The following TRAP1 variants were observed in gnomAD, a reference collection of about 807,000 sequenced individuals.
TRAP1 encodes the protein heat shock protein 75 kDa, mitochondrial.
A neutral mutation model predicts 89.1 loss-of-function variants in TRAP1; 102 were observed. The ratio of observed to expected loss-of-function variants is 1.15; its 90% CI spans 0.98 to 1.35. The LOEUF is 1.35. Among genes scored for constraint, TRAP1 ranks in the 40% most tolerant of loss-of-function variants. TRAP1 has a pLI of 0.00. For missense variants in TRAP1, 1,256 were observed against 945.3 expected (o/e 1.33, Z -4.31); for synonymous variants, 508 against 388.0 (o/e 1.31, Z -3.64).
chr16:3,662,245 A>C, intron 15 of TRAP1, 113 bp from the exon 16 acceptor site: 6 of 1,324,850 alleles, frequency 4.5e-6, no homozygotes, highest in Non-Finnish European at 6.2e-6. Flanking sequence ...GCGGGGTCTC[A>C]AGGACTCCCC....
intron 9 of TRAP1, 102 bp downstream of exon 9, chr16:3,674,237 T>A (rs2050955423): frequency 6.8e-7 from 1 of 1,471,914 alleles, no homozygotes; most frequent in East Asian, 2.3e-5. Context: ...ATGTTTTTCA[T>A]GCCCTCACAC....
chr16:3,682,422 C>G (rs1330747149), intron 4 of TRAP1, among the ~76,000 whole-genome samples: 1 of 151,544 alleles, frequency 6.6e-6, no homozygotes, highest in Non-Finnish European at 1.5e-5. Context: ...CGCTCTGTCA[C>G]GCAGGCTAGA....
intron 6 of TRAP1, 83 bp downstream of exon 6, chr16:3,677,415 T>C: frequency 6.4e-7 from 1 of 1,567,948 alleles, no homozygotes; most frequent in Non-Finnish European, 8.7e-7. Context: ...GTGTACGTTT[T>C]CTGAGTCCAT....
rs2050932821 is a variant in TRAP1 at position 3,672,806 on chromosome 16, A to G, written c.1059T>C (p.Phe353=). The G allele has an allele frequency of 1.2e-6, 2 of 1,612,926 alleles. No homozygotes were observed. Among genetic ancestry groups the G allele is most frequent in the African/African-American group, 2.7e-5 (2 of 74,900 alleles). The change falls in exon 10 of 18, where the codon TTT becomes TTC. Residue 353 remains phenylalanine, a synonymous_variant. Coordinates refer to ENST00000246957, the MANE Select transcript of TRAP1 (RefSeq NM_016292.3). ...TGGAGCCCAGCTCCCGGCTCACATCAAACATGGACGGTTTCTGGGGGTGAG... is the reference window on the plus strand; with the variant it reads ...TGGAGCCCAGCTCCCGGCTCACATCGAACATGGACGGTTTCTGGGGGTGAG... ...FYVPDMKPSM[F]DVSRELGSSV... is the part of the protein sequence containing the mutation.
chr16:3,687,606 G>A (rs1041193546), intron 3 of TRAP1, among the ~76,000 whole-genome samples: 4 of 152,048 alleles, frequency 2.6e-5, no homozygotes, highest in South Asian at 2.1e-4. Flanking sequence ...GAGAGAGGCC[G>A]GGTGTGGTGG....
Position 3,664,325 on chromosome 16 carries a change from G to C in TRAP1, c.1518C>G (p.His506Gln), listed in dbSNP as rs751192502. ...NIYYLCAPNR[H>Q]LAEHSPYYEA... is the part of the protein sequence containing the mutation. ...CATAGTAGGGTGAGTGCTCTGCCAG[G>C]TGACGGTTGGGGGCGCACAGGTAGT... Residue 506 changes from histidine (H) to glutamine (Q), a missense_variant, in exon 13 of 18, where the codon CAC (histidine) becomes CAG (glutamine). By Grantham distance (24) the His-to-Gln change is conservative. Transcript: ENST00000246957. 6.2e-7 allele frequency: 1 copy of C among 1,612,540 alleles called. No individual in the cohort carries two copies. The highest frequency in any genetic ancestry group is 8.5e-7 in the Non-Finnish European group (1 of 1,179,552).
intron 9 of TRAP1, among the ~76,000 whole-genome samples, 167 bp downstream of exon 9, chr16:3,674,172 C>T (rs1048257607): frequency 6.6e-6 from 1 of 152,192 alleles, no homozygotes; most frequent in African/African-American, 2.4e-5. Flanking sequence ...CCACCCTCCT[C>T]AGCCTCCCAA....
At position 3,672,710 on chromosome 16, in the gene TRAP1, G is replaced by A; in HGVS notation, c.1155C>T (p.Arg385=). 6.2e-7 allele frequency: 1 copy of A among 1,608,906 alleles called. No individual in the cohort carries two copies. Among genetic ancestry groups the A allele is most frequent in the Non-Finnish European group, 8.5e-7 (1 of 1,178,044 alleles). The change falls in exon 10 of 18, where the codon CGC becomes CGT. Residue 385 remains arginine, a synonymous_variant. Coordinates refer to ENST00000246957, the MANE Select transcript of TRAP1 (RefSeq NM_016292.3). ...CTCTGAGCAGCGTACCTCGGATGAA[G>A]CGCAGCCACTTGGGCAGGATGTCCG... ...KATDILPKWL[R]FIRGVVDSED...
chr16:3,686,215 A>G (rs1596727718), intron 3 of TRAP1, 79 bp from the exon 4 acceptor site: 22 of 1,500,886 alleles, frequency 1.5e-5, no homozygotes, highest in East Asian at 9.1e-5. Flanking sequence ...TGCACTTCCA[A>G]TAACTGTTAA....
intron 1 of TRAP1, among the ~76,000 whole-genome samples, chr16:3,704,524 G>C (rs1016028511): frequency 1.3e-5 from 2 of 151,972 alleles, no homozygotes; most frequent in African/African-American, 2.4e-5. Context: ...AAATATTAAA[G>C]AACATTAATA....
intron 4 of TRAP1, among the ~76,000 whole-genome samples, chr16:3,682,960 G>A (rs1485454587): frequency 6.6e-6 from 1 of 151,398 alleles, no homozygotes; most frequent in Non-Finnish European, 1.5e-5. Context: ...CACGAGGCCG[G>A]GAGTTTAAGA....
At chr16:3,707,049 TTTG>T (rs1315107750) in intron 1 of TRAP1, among the ~76,000 whole-genome samples, 1 of 152,076 alleles carries the variant, frequency 6.6e-6, no homozygotes, top group Non-Finnish European at 1.5e-5. Flanking sequence ...CACCTGTTTT[TTTG>T]TTGTTGTTTC....
At chr16:3,686,909 T>G (rs878959151) in intron 3 of TRAP1, 1 of 152,164 alleles carries the variant, frequency 6.6e-6, no homozygotes, top group Non-Finnish European at 1.5e-5. Flanking sequence ...AGGCGGAGGT[T>G]GCAGTGAGCC....
At chr16:3,703,951 C>T (rs1291453162) in intron 1 of TRAP1, among the ~76,000 whole-genome samples, 2 of 149,114 alleles carry the variant, frequency 1.3e-5, no homozygotes, top group African/African-American at 2.6e-5. Context: ...GGAGGCGGAG[C>T]GTGCAGTGAG....
chr16:3,706,394 C>T (rs2051446305), intron 1 of TRAP1, among the ~76,000 whole-genome samples: 1 of 151,876 alleles, frequency 6.6e-6, no homozygotes, highest in South Asian at 2.1e-4. Context: ...GATCCTCCCA[C>T]CTCAGCCTCC....
intron 1 of TRAP1, among the ~76,000 whole-genome samples, chr16:3,710,102 A>G (rs1237160576): frequency 6.6e-6 from 1 of 152,206 alleles, no homozygotes; most frequent in Non-Finnish European, 1.5e-5. Context: ...ACTATGATAT[A>G]CTGATACTTC....
chr16:3,664,315 G>T lies in TRAP1; in HGVS notation c.1528C>A (p.His510Asn). 6.2e-7 allele frequency: 1 copy of T among 1,611,744 alleles called. No homozygotes were observed. Among genetic ancestry groups the T allele is most frequent in the African/African-American group, 1.3e-5 (1 of 74,910 alleles). The change falls in exon 13 of 18, where the codon CAC (histidine) becomes AAC (asparagine). Residue 510 changes from histidine to asparagine, a missense_variant. His to Asn is a moderately conservative substitution (Grantham distance 68, BLOSUM62 1). Coordinates refer to ENST00000246957, the MANE Select transcript of TRAP1 (RefSeq NM_016292.3). The part of the protein sequence containing the change: ...LCAPNRHLAE[H>N]SPYYEAMKKK... Reference sequence around the variant, plus strand: ...TTCATGGCCTCATAGTAGGGTGAGTGCTCTGCCAGGTGACGGTTGGGGGCG... The same window carrying T: ...TTCATGGCCTCATAGTAGGGTGAGTTCTCTGCCAGGTGACGGTTGGGGGCG...
At chr16:3,696,518 C>T (rs1344167894) in intron 1 of TRAP1, among the ~76,000 whole-genome samples, 4 of 152,128 alleles carry the variant, frequency 2.6e-5, no homozygotes, top group Non-Finnish European at 5.9e-5. Context: ...AAACAGAAAG[C>T]ACACCATCAG....
intron 1 of TRAP1, among the ~76,000 whole-genome samples, chr16:3,710,977 G>A (rs1292590555): frequency 6.8e-6 from 1 of 147,716 alleles, no homozygotes; most frequent in African/African-American, 2.5e-5. Context: ...GCTTAAGGGA[G>A]CCTCCCACTT....
Sources: gnomAD v4.1 joint callset for allele counts (sites outside exome capture counted in the v4.1 genomes callset) on GRCh38, gnomAD v4.1.1 for gene constraint, MANE v1.5 for transcripts, NCBI Gene and HGNC (gene_info 2026-07-23, HGNC 2026-07-21) for gene names.